Variants in ITPR1 observed in about 807,000 individuals in gnomAD.
ITPR1 encodes inositol 1,4,5-trisphosphate receptor type 1.
In ITPR1, 96 loss-of-function variants were observed where a neutral mutation model predicts 318.4. That is an observed-to-expected ratio of 0.30 (90% CI 0.26 to 0.36). ITPR1 has a LOEUF of 0.36. Ranked by LOEUF, ITPR1 falls within the 10% of genes least tolerant of loss-of-function variation. ITPR1 has a pLI of 1.00. For synonymous variants in ITPR1, 1,312 were observed against 1,289.9 expected, an observed-to-expected ratio of 1.02 and a Z score of -0.37; for missense variants, 2,440 against 3,460.2, an observed-to-expected ratio of 0.71 and a Z score of 7.40.
At chr3:4,833,134 G>C (rs2050637096) in intron 60 of ITPR1, among the ~76,000 whole-genome samples, 1 of 152,218 alleles carries the variant, frequency 6.6e-6, no homozygotes, top group Non-Finnish European at 1.5e-5. Flanking sequence ...TCAGTAAAAA[G>C]CTGTTGAATG....
intron 60 of ITPR1, among the ~76,000 whole-genome samples, chr3:4,830,591 G>A (rs2050411028): frequency 6.6e-6 from 1 of 152,076 alleles, no homozygotes; most frequent in South Asian, 2.1e-4. Context: ...AATACATGGG[G>A]AGGCCAAATC....
chr3:4,814,955 A>G, intron 58 of ITPR1, 98 bp from the exon 59 acceptor site: 1 of 988,732 alleles, frequency 1.0e-6, no homozygotes, highest in South Asian at 1.7e-5. Context: ...TTTAATTTCT[A>G]CCCAAGTAGA....
chr3:4,730,655 C>T (rs1179861510), intron 42 of ITPR1, among the ~76,000 whole-genome samples: 3 of 151,838 alleles, frequency 2.0e-5, no homozygotes, highest in Admixed American at 2.0e-4. Flanking sequence ...TGCAGACTGA[C>T]CAGGGTCTTG....
At position 4,662,060 on chromosome 3, in the gene ITPR1, C is replaced by A. The variant is rs774066688; in HGVS notation, c.1252-22C>A. ...CCTTCCCATCCAAGAGATTATCTCA[C>A]AAGGACCACCTTGAATTTCAGATTG... On this transcript the variant is annotated intron_variant, in intron 14 of 61. Coordinates refer to ENST00000649015, the MANE Select transcript of ITPR1 (RefSeq NM_001378452.1). 9 of 1,607,934 alleles carry A rather than the reference C, an allele frequency of 5.6e-6. No individual in the cohort carries two copies. The South Asian group carries it at 9.9e-5, about 18-fold the overall frequency.
chr3:4,730,406 TG>T lies in ITPR1; in HGVS notation c.5221-2681del, dbSNP rs1559788527. On this transcript the variant is annotated intron_variant, in intron 42 of 61. Transcript: ENST00000649015. Reference sequence around the variant, plus strand: ...GTGTGTGTGTGTGTGTGTGTGTGTGTGTGTGTGTGTGTGTTTCCCCCAGAAT... The same window carrying T: ...GTGTGTGTGTGTGTGTGTGTGTGTGTTGTGTGTGTGTGTTTCCCCCAGAAT... Among the ~76,000 whole-genome samples the T allele has an allele frequency of 1.8e-3, 261 of 146,564 alleles. 2 individuals are homozygous for T. The highest frequency in any genetic ancestry group is 5.1e-3 in the African/African-American group (201 of 39,290).
chr3:4,612,764 G>A (rs1218557765), intron 4 of ITPR1, among the ~76,000 whole-genome samples: 1 of 152,118 alleles, frequency 6.6e-6, no homozygotes, highest in African/African-American at 2.4e-5. Context: ...GTGGGGGCCT[G>A]TAATCCCAGC....
chr3:4,754,799 C>T (rs1300966421), intron 44 of ITPR1, among the ~76,000 whole-genome samples: 1 of 152,240 alleles, frequency 6.6e-6, no homozygotes, highest in East Asian at 1.9e-4. Context: ...TCCCCTTCCA[C>T]TTCAGGCAAA....
At chr3:4,817,412 A>G (rs1430993648) in intron 59 of ITPR1, 7 of 152,370 alleles carry the variant, frequency 4.6e-5, no homozygotes, top group African/African-American at 1.2e-4. Context: ...TGTATGAAAA[A>G]GGATGAATTC....
intron 5 of ITPR1, among the ~76,000 whole-genome samples, chr3:4,635,657 C>T (rs893782101): frequency 6.6e-6 from 1 of 151,678 alleles, no homozygotes; most frequent in African/African-American, 2.4e-5. Context: ...AAGGTGCTAA[C>T]TCAGTATCTC....
In ITPR1 at chr3:4,494,465, C is replaced by G. The variant is rs958340351; in HGVS notation, c.-58C>G. The G allele has an allele frequency of 6.6e-6, 1 of 152,264 alleles. No homozygotes were observed. The allele number at this position is 152,264 out of a possible 1,614,324, so 9.4% of individuals were successfully genotyped here. ...ACAGAGGAGCAGGATTTGCACCCCT[C>G]GCTGGGCTTGCTTTGGCAACAGAGT... On this transcript the variant is annotated 5_prime_UTR_variant, in exon 2 of 62. Transcript: ENST00000649015.
At chr3:4,681,134 C>A (rs567689332) in intron 25 of ITPR1, among the ~76,000 whole-genome samples, 1 of 152,174 alleles carries the variant, frequency 6.6e-6, no homozygotes, top group East Asian at 1.9e-4. Context: ...TGAGTGAGAT[C>A]ATTGCTGTCC....
intron 61 of ITPR1, among the ~76,000 whole-genome samples, chr3:4,839,715 TTTTAG>T (rs1372343595): frequency 2.0e-5 from 3 of 152,218 alleles, no homozygotes; most frequent in African/African-American, 7.2e-5. Context: ...TAAGCCAAAG[TTTTAG>T]TTTAAACAAA....
chr3:4,567,375 G>A (rs1344160840), intron 4 of ITPR1, among the ~76,000 whole-genome samples: 2 of 152,186 alleles, frequency 1.3e-5, no homozygotes, highest in African/African-American at 4.8e-5. Flanking sequence ...TTGGAGGGGG[G>A]ATGATAAAGC....
intron 4 of ITPR1, among the ~76,000 whole-genome samples, chr3:4,594,757 G>A (rs561468148): frequency 9.9e-5 from 15 of 151,622 alleles, no homozygotes; most frequent in Non-Finnish European, 1.8e-4. Flanking sequence ...AAGTGAGACC[G>A]GGAAATGTGT....
At chr3:4,625,219 C>CT (rs200304497) in intron 4 of ITPR1, among the ~76,000 whole-genome samples, 800 of 134,088 alleles carry the variant, frequency 6.0e-3, no homozygotes, top group Middle Eastern at 0.012. Flanking sequence ...ATTAAGTGAT[C>CT]TTTTTTTTTT....
At chr3:4,516,221 T>C (rs2082159600) in intron 2 of ITPR1, among the ~76,000 whole-genome samples, 1 of 152,258 alleles carries the variant, frequency 6.6e-6, no homozygotes, top group East Asian at 1.9e-4. Flanking sequence ...TAGAATCTGA[T>C]TCAGGCATGG....
chr3:4,495,789 C>G (rs567345647), intron 2 of ITPR1, among the ~76,000 whole-genome samples: 1 of 152,304 alleles, frequency 6.6e-6, no homozygotes, highest in African/African-American at 2.4e-5. Context: ...AGGGTGTAAC[C>G]TCAGGCGGTG....
At chr3:4,835,018 A>G (rs2050795298) in intron 60 of ITPR1, among the ~76,000 whole-genome samples, 1 of 152,186 alleles carries the variant, frequency 6.6e-6, no homozygotes, top group Admixed American at 6.5e-5. Flanking sequence ...GTCCTTCCAC[A>G]AGCTTTTATT....
intron 4 of ITPR1, among the ~76,000 whole-genome samples, chr3:4,567,508 A>G (rs946393047): frequency 6.6e-6 from 1 of 152,146 alleles, no homozygotes; most frequent in African/African-American, 2.4e-5. Context: ...GAGATTAGAG[A>G]TAGGCGAATG....
Sources: allele counts gnomAD v4.1 joint callset (sites outside exome capture counted in the v4.1 genomes callset), GRCh38; gene constraint gnomAD v4.1.1; transcripts MANE v1.5; gene names NCBI Gene and HGNC (gene_info 2026-07-23, HGNC 2026-07-21).